The following LRP1B variants were observed in gnomAD, a reference collection of about 807,000 sequenced individuals.
LRP1B encodes low-density lipoprotein receptor-related protein 1B.
In LRP1B, 217 loss-of-function variants were observed where a neutral mutation model predicts 556.6. The observed-to-expected ratio is 0.39, with a 90% CI of 0.35 to 0.44. The LOEUF (loss-of-function observed/expected upper bound fraction) is 0.44. LRP1B is among the 20% of genes least tolerant of loss of function. The pLI is 1.00. For synonymous variants in LRP1B, 2,047 were observed against 1,865.8 expected (o/e 1.10, Z -2.50); for missense variants, 5,053 against 5,620.8 (o/e 0.90, Z 3.23).
At chr2:141,560,901 T>C (rs1203422339) in intron 2 of LRP1B, among the ~76,000 whole-genome samples, 1 of 151,622 alleles carries the variant, frequency 6.6e-6, no homozygotes, top group Non-Finnish European at 1.5e-5. Flanking sequence ...AGCAAGGTCT[T>C]TGTAGTACTC....
At chr2:142,083,180 G>A (rs1013624867) in intron 1 of LRP1B, among the ~76,000 whole-genome samples, 2 of 152,126 alleles carry the variant, frequency 1.3e-5, no homozygotes, top group Non-Finnish European at 2.9e-5. Context: ...GTTTCTGGGG[G>A]CACAAATGAC....
intron 8 of LRP1B, among the ~76,000 whole-genome samples, chr2:141,061,017 A>AT: frequency 6.6e-6 from 1 of 151,878 alleles, no homozygotes; most frequent in East Asian, 1.9e-4. Flanking sequence ...ACAAGGTTTA[A>AT]TTTTTTAATT....
chr2:141,534,464 G>A (rs1009294465), intron 2 of LRP1B, among the ~76,000 whole-genome samples: 1 of 152,028 alleles, frequency 6.6e-6, no homozygotes, highest in Non-Finnish European at 1.5e-5. Context: ...CATGATAGAA[G>A]CATTTGGAAG....
intron 35 of LRP1B, among the ~76,000 whole-genome samples, chr2:140,722,316 G>C (rs979399442): frequency 6.6e-6 from 1 of 152,156 alleles, no homozygotes; most frequent in Non-Finnish European, 1.5e-5. Context: ...TCTTAGAAGA[G>C]ACATACACTA....
rs563555850 is a variant in LRP1B at position 140,630,382 on chromosome 2, A to G, written c.6800-28743T>C. Among the ~76,000 whole-genome samples the G allele has an allele frequency of 8.7e-4, 133 of 152,330 alleles. 1 individual carries two copies. Among genetic ancestry groups the G allele is most frequent in the Admixed American group, 1.4e-3 (21 of 15,306 alleles). Reference sequence around the variant, plus strand: ...GAGAAAAGCTGCAAAACTGAAAATCAACAATCTTTCTTGGACCAATCAGTA... The same window carrying G: ...GAGAAAAGCTGCAAAACTGAAAATCGACAATCTTTCTTGGACCAATCAGTA... On this transcript the variant is annotated intron_variant, in intron 41 of 90. Coordinates refer to ENST00000389484, the MANE Select transcript of LRP1B (RefSeq NM_018557.3).
intron 3 of LRP1B, among the ~76,000 whole-genome samples, chr2:141,378,527 A>G (rs954820791): frequency 6.6e-6 from 1 of 152,154 alleles, no homozygotes; most frequent in Non-Finnish European, 1.5e-5. Context: ...TTATCTAGGC[A>G]TGGTAGCTCA....
intron 67 of LRP1B, among the ~76,000 whole-genome samples, chr2:140,380,004 A>G (rs1312487668): frequency 1.3e-5 from 2 of 152,136 alleles, no homozygotes; most frequent in Non-Finnish European, 2.9e-5. Flanking sequence ...AATATTTATT[A>G]TAACTAATAA....
intron 66 of LRP1B, among the ~76,000 whole-genome samples, chr2:140,433,971 G>A (rs931363684): frequency 6.6e-6 from 1 of 151,960 alleles, no homozygotes; most frequent in African/African-American, 2.4e-5. Context: ...TATGATCCAT[G>A]GGAGTGAGAA....
intron 50 of LRP1B, among the ~76,000 whole-genome samples, chr2:140,516,103 G>A (rs1448559365): frequency 1.3e-5 from 2 of 151,836 alleles, no homozygotes; most frequent in Non-Finnish European, 2.9e-5. Flanking sequence ...GAAGATGAAA[G>A]GCAAAAGTTT....
intron 18 of LRP1B, among the ~76,000 whole-genome samples, chr2:140,957,221 T>C (rs1046991269): frequency 6.6e-6 from 1 of 151,682 alleles, no homozygotes; most frequent in African/African-American, 2.4e-5. Flanking sequence ...ATAAAACTGA[T>C]ATGAATAATA....
At chr2:141,912,691 T>A (rs556613476) in intron 1 of LRP1B, among the ~76,000 whole-genome samples, 2 of 152,186 alleles carry the variant, frequency 1.3e-5, no homozygotes, top group Non-Finnish European at 2.9e-5. Context: ...AAGTGGAAGA[T>A]GAAATTCCCA....
At chr2:141,607,919 T>C (rs1574134453) in intron 2 of LRP1B, among the ~76,000 whole-genome samples, 1 of 151,858 alleles carries the variant, frequency 6.6e-6, no homozygotes, top group South Asian at 2.1e-4. Flanking sequence ...TGAGATACTG[T>C]CTTAAATAAA....
chr2:141,102,511 T>C (rs182659709), intron 7 of LRP1B, among the ~76,000 whole-genome samples: 292 of 152,174 alleles, frequency 1.9e-3, no homozygotes, highest in Non-Finnish European at 3.7e-3. Context: ...ACCATAACCA[T>C]GATAGAATGA....
chr2:140,779,294 G>A (rs757136888), intron 32 of LRP1B, among the ~76,000 whole-genome samples: 1 of 152,136 alleles, frequency 6.6e-6, no homozygotes, highest in African/African-American at 2.4e-5. Flanking sequence ...TACCATGCTA[G>A]ACTTCTCTTC....
chr2:141,257,381 A>C (rs921900688), intron 3 of LRP1B, among the ~76,000 whole-genome samples: 18 of 152,170 alleles, frequency 1.2e-4, no homozygotes, highest in African/African-American at 4.3e-4. Flanking sequence ...TTTTCCATGT[A>C]ATCCCTGGAG....
At chr2:141,995,041 T>A (rs1267366564) in intron 1 of LRP1B, among the ~76,000 whole-genome samples, 11 of 152,182 alleles carry the variant, frequency 7.2e-5, no homozygotes, top group East Asian at 1.9e-4. Flanking sequence ...TGTTTGAAAA[T>A]CCTTAGAATT....
At chr2:140,769,435 T>A (rs1689228577) in intron 34 of LRP1B, 91 bp from the exon 35 acceptor site, 6 of 1,288,422 alleles carry the variant, frequency 4.7e-6, no homozygotes, top group Admixed American at 5.4e-5. Context: ...TTTTTAACAA[T>A]CTTAATTTAT....
At chr2:141,787,759 A>C (rs1695472540) in intron 2 of LRP1B, among the ~76,000 whole-genome samples, 1 of 151,890 alleles carries the variant, frequency 6.6e-6, no homozygotes, top group African/African-American at 2.4e-5. Flanking sequence ...TAAAAAAAAA[A>C]CCACTGATTT....
intron 47 of LRP1B, among the ~76,000 whole-genome samples, chr2:140,531,502 T>TC (rs771652781): frequency 6.6e-6 from 1 of 152,166 alleles, no homozygotes; most frequent in South Asian, 2.1e-4. Context: ...TGCAAGTGTT[T>TC]CCCCAAAGTC....
Sources: gnomAD v4.1 joint callset for allele counts (sites outside exome capture counted in the v4.1 genomes callset) on GRCh38, gnomAD v4.1.1 for gene constraint, MANE v1.5 for transcripts, NCBI Gene and HGNC (gene_info 2026-07-23, HGNC 2026-07-21) for gene names.